Variants in GRHL3 observed in about 807,000 individuals in gnomAD.
GRHL3 encodes grainyhead-like protein 3 homolog.
A neutral mutation model predicts 70.3 loss-of-function variants in GRHL3; 20 were observed. The observed-to-expected ratio is 0.28, with a 90% CI of 0.20 to 0.41. GRHL3 has a LOEUF of 0.41. Among genes scored for constraint, GRHL3 ranks in the 10% least tolerant of loss-of-function variants. GRHL3 has a pLI of 1.00. For missense variants in GRHL3, 637 were observed against 762.3 expected (o/e 0.84, Z 1.94); for synonymous variants, 299 against 299.9 (o/e 1.00, Z 0.03).
chr1:24,337,510 G>A (rs1569883836), intron 5 of GRHL3, 126 bp from the exon 6 acceptor site: 1 of 1,003,384 alleles, frequency 1.0e-6, no homozygotes, highest in East Asian at 2.4e-5. Flanking sequence ...GCCCAAGGAA[G>A]TAAGGTTATT....
intron 3 of GRHL3, 53 bp from the exon 4 acceptor site, chr1:24,336,429 C>T (rs1464643644): frequency 9.5e-6 from 12 of 1,261,516 alleles, no homozygotes; most frequent in East Asian, 2.3e-5. Flanking sequence ...TAGCCAAAGA[C>T]CCCCCTTTAC....
chr1:24,337,409 T>G, intron 5 of GRHL3: 2 of 599,238 alleles, frequency 3.3e-6, no homozygotes, highest in South Asian at 4.4e-5. Context: ...CCCCTCAAGG[T>G]TCTCTCTAAT....
At chr1:24,357,884 C>T (rs1363492944), downstream of GRHL3, 8 of 317,380 alleles carry the variant, frequency 2.5e-5, no homozygotes, top group South Asian at 1.7e-4. Flanking sequence ...GCGCAGCCCC[C>T]GGGCCCGGCC....
chr1:24,344,924 T>A lies in GRHL3; in HGVS notation c.1447T>A (p.Ser483Thr), dbSNP rs1640185875. 6.2e-7 allele frequency: 1 copy of A among 1,613,370 alleles called. No homozygotes were observed. Among genetic ancestry groups the A allele is most frequent in the Non-Finnish European group, 8.5e-7 (1 of 1,179,674 alleles). The change falls in exon 12 of 16, where the codon TCC (serine) becomes ACC (threonine). Residue 483 changes from serine to threonine, a missense_variant. Physicochemically the swap from Ser to Thr is moderately conservative, Grantham distance 58. Coordinates refer to ENST00000361548, the MANE Select transcript of GRHL3 (RefSeq NM_198173.3). ...AGCCCCCTCGGCAGGACCCAGCAGC[T>A]CCAACAGGTATGGAGAGAAACAACC... ...GAAPSAGPSSSNRLPLKRTCS... is the reference protein window; with the variant it reads ...GAAPSAGPSSTNRLPLKRTCS...
chr1:24,348,767 C>T (rs183453503), intron 14 of GRHL3, among the ~76,000 whole-genome samples: 16 of 152,304 alleles, frequency 1.1e-4, no homozygotes, highest in African/African-American at 3.6e-4. Flanking sequence ...AGCTTTCAGT[C>T]ACATCATCAT....
downstream of GRHL3, among the ~76,000 whole-genome samples, chr1:24,356,089 C>CG (rs1186525845): frequency 1.3e-5 from 2 of 151,386 alleles, no homozygotes; most frequent in African/African-American, 2.4e-5. Flanking sequence ...TTAGTAGAGA[C>CG]GGGGTTTCAC....
chr1:24,342,792 C>T lies in GRHL3; in HGVS notation c.1285+20C>T, dbSNP rs749069178. 2 of 1,613,840 alleles carry T rather than the reference C, an allele frequency of 1.2e-6. No homozygotes were observed. The highest frequency in any genetic ancestry group is 1.7e-6 in the Non-Finnish European group (2 of 1,179,858). ...ACAGTGGTCAGTGGGGATCCAGGGCCTGGGTGGGCTCGGCTGGCGTGAAGG... is the reference window on the plus strand; with the variant it reads ...ACAGTGGTCAGTGGGGATCCAGGGCTTGGGTGGGCTCGGCTGGCGTGAAGG... On this transcript the variant is annotated intron_variant, in intron 10 of 15. Coordinates refer to ENST00000361548, the MANE Select transcript of GRHL3 (RefSeq NM_198173.3). The surrounding 1 kb of genome is among the most constrained non-coding windows in gnomAD (Gnocchi z 4.8).
At chr1:24,333,959 A>G (rs577246152) in intron 2 of GRHL3, among the ~76,000 whole-genome samples, 4 of 152,360 alleles carry the variant, frequency 2.6e-5, no homozygotes, top group South Asian at 4.1e-4. Context: ...CTCACTTGAC[A>G]TATGAAGAAA....
Position 24,334,426 on chromosome 1 carries a change from C to T in GRHL3, c.205-219C>T, listed in dbSNP as rs61772766. ...CAGATACGATGAGAACTCACTGTCA[C>T]GAGAACAGCAGCATGGGAGTAACCA... On this transcript the variant is annotated intron_variant, in intron 2 of 15. Coordinates refer to ENST00000361548, the MANE Select transcript of GRHL3 (RefSeq NM_198173.3). The surrounding 1 kb of genome is among the most constrained non-coding windows in gnomAD (Gnocchi z 4.3). Among the ~76,000 whole-genome samples the T allele has an allele frequency of 0.14, 20,611 of 151,972 alleles. 1,665 individuals are homozygous for T. Among genetic ancestry groups the T allele is most frequent in the Non-Finnish European group, 0.18 (12,411 of 67,960 alleles).
downstream of GRHL3, among the ~76,000 whole-genome samples, chr1:24,356,382 C>T (rs979754289): frequency 1.3e-5 from 2 of 151,956 alleles, no homozygotes; most frequent in African/African-American, 2.4e-5. Flanking sequence ...TGGGATTACA[C>T]GTGCCCACCA....
At chr1:24,361,222 T>C (rs1190625701) in intron 15 of GRHL3, among the ~76,000 whole-genome samples, 2 of 152,156 alleles carry the variant, frequency 1.3e-5, no homozygotes, top group African/African-American at 4.8e-5. Context: ...TGTTTCTTCA[T>C]CTGCACATGG....
intron 2 of GRHL3, among the ~76,000 whole-genome samples, chr1:24,332,575 A>G (rs1435642875): frequency 1.3e-5 from 2 of 152,182 alleles, no homozygotes; most frequent in African/African-American, 4.8e-5. Flanking sequence ...GGTAGGCCCT[A>G]CTTATCTGTC....
At position 24,341,906 on chromosome 1, in the gene GRHL3, C is replaced by T. The variant is rs45511995; in HGVS notation, c.1048-209C>T. ...AACCCCTGCTGCACCACACACTGCC[C>T]GTGTCACCTCGGGAAAGTTGCCCCA... On this transcript the variant is annotated intron_variant, in intron 8 of 15. Coordinates refer to ENST00000361548, the MANE Select transcript of GRHL3 (RefSeq NM_198173.3). 0.13 allele frequency among the ~76,000 whole-genome samples: 19,847 copies of T among 152,262 alleles called. 1,643 individuals are homozygous for T. The highest frequency in any genetic ancestry group is 0.24 in the African/African-American group (9,777 of 41,534).
intron 1 of GRHL3, among the ~76,000 whole-genome samples, chr1:24,326,962 T>C (rs1387555290): frequency 6.6e-6 from 1 of 152,212 alleles, no homozygotes; most frequent in Non-Finnish European, 1.5e-5. Context: ...ACACTATCTC[T>C]TTTGTTTCTT....
Position 24,322,201 on chromosome 1 carries a change from T to A in GRHL3, c.17+2633T>A, listed in dbSNP as rs1639217964. On this transcript the variant is annotated intron_variant, in intron 1 of 15. Coordinates refer to ENST00000361548, the MANE Select transcript of GRHL3 (RefSeq NM_198173.3). The surrounding 1 kb of genome is among the most constrained non-coding windows in gnomAD (Gnocchi z 4.4). The stretch of plus-strand genomic sequence containing the variant: ...GGTCTAAGGCACCGAGGCAGGAGCG[T>A]CCCCCGCGGCCTCGCTCCCTGCTCT... 6.6e-6 allele frequency among the ~76,000 whole-genome samples: 1 copy of A among 151,824 alleles called. No individual in the cohort carries two copies. Among genetic ancestry groups the A allele is most frequent in the Non-Finnish European group, 1.5e-5 (1 of 67,918 alleles).
At chr1:24,346,489 A>G in intron 12 of GRHL3, 64 bp from the exon 13 acceptor site, 1 of 1,097,636 alleles carries the variant, frequency 9.1e-7, no homozygotes, top group South Asian at 1.3e-5. Context: ...GAGGCCCAGC[A>G]GGGTCCTTGA....
At chr1:24,350,610 G>A (rs911510658) in intron 15 of GRHL3, among the ~76,000 whole-genome samples, 1 of 152,244 alleles carries the variant, frequency 6.6e-6, no homozygotes, top group Non-Finnish European at 1.5e-5. Flanking sequence ...GGCAGGAGAA[G>A]TGGATCAAAG....
chr1:24,351,155 T>C (rs1640488548), intron 15 of GRHL3, among the ~76,000 whole-genome samples: 1 of 152,226 alleles, frequency 6.6e-6, no homozygotes. Context: ...CGACATTTGC[T>C]AGTAGCCCCT....
intron 15 of GRHL3, among the ~76,000 whole-genome samples, chr1:24,351,644 G>T (rs946201099): frequency 8.1e-6 from 1 of 123,136 alleles, no homozygotes; most frequent in African/African-American, 3.2e-5. Context: ...CCCACTCCAG[G>T]CCAGGCTGTG....
Sources: allele counts gnomAD v4.1 joint callset (sites outside exome capture counted in the v4.1 genomes callset), GRCh38; gene constraint gnomAD v4.1.1; non-coding constraint Gnocchi (gnomAD v3.1); transcripts MANE v1.5; gene names NCBI Gene and HGNC (gene_info 2026-07-23, HGNC 2026-07-21).